Variants in EXOC2 observed in about 807,000 individuals in gnomAD.
EXOC2 encodes the protein SEC5-like 1.
A neutral mutation model predicts 131.8 loss-of-function variants in EXOC2; 70 were observed. That is an observed-to-expected ratio of 0.53 (90% CI 0.44 to 0.65). The LOEUF (loss-of-function observed/expected upper bound fraction) is 0.65, where lower values mean the gene tolerates loss of function less well. Ranked by LOEUF, EXOC2 falls within the 30% of genes least tolerant of loss-of-function variation. The pLI, the probability that EXOC2 is intolerant of heterozygous loss-of-function variation, is 0.00. For missense variants in EXOC2, 923 were observed against 1,108.6 expected, an observed-to-expected ratio of 0.83 and a Z score of 2.38; for synonymous variants, 411 against 398.4, an observed-to-expected ratio of 1.03 and a Z score of -0.38.
chr6:612,638 T>C (rs1760771303), intron 6 of EXOC2, among the ~76,000 whole-genome samples: 1 of 152,162 alleles, frequency 6.6e-6, no homozygotes, highest in Non-Finnish European at 1.5e-5. Flanking sequence ...CAGAAAATGA[T>C]ACCTACCTGA....
chr6:628,061 G>C (rs1449194185), intron 4 of EXOC2, among the ~76,000 whole-genome samples: 2 of 152,282 alleles, frequency 1.3e-5, no homozygotes, highest in East Asian at 3.9e-4. Context: ...ATCCTGTAAG[G>C]ATGAACACTT....
rs368527509 is a variant in EXOC2 at position 499,725 on chromosome 6, A to G, written c.2381-25T>C. 2.7e-5 allele frequency: 43 copies of G among 1,601,258 alleles called. No homozygotes were observed. The African/African-American group carries it at 5.5e-4, about 20-fold the overall frequency. ...CCTGAAATTGAAATAAAGGAGAGAA[A>G]GAAGGCATTAATAATAACACAAGCT... On this transcript the variant is annotated intron_variant, in intron 23 of 27. Coordinates refer to ENST00000230449, the MANE Select transcript of EXOC2 (RefSeq NM_018303.6).
At chr6:511,607 G>A (rs1343049914) in intron 23 of EXOC2, among the ~76,000 whole-genome samples, 1 of 152,172 alleles carries the variant, frequency 6.6e-6, no homozygotes, top group Non-Finnish European at 1.5e-5. Flanking sequence ...AGGGCTGCAC[G>A]GGGGCATCTG....
intron 3 of EXOC2, among the ~76,000 whole-genome samples, chr6:630,573 T>TGGG (rs1169321441): frequency 6.6e-6 from 1 of 152,234 alleles, no homozygotes; most frequent in Non-Finnish European, 1.5e-5. Context: ...CCTAAGGACA[T>TGGG]TTCACTACAA....
intron 27 of EXOC2, among the ~76,000 whole-genome samples, chr6:487,874 C>G (rs1763171087): frequency 6.6e-6 from 1 of 152,156 alleles, no homozygotes; most frequent in Non-Finnish European, 1.5e-5. Flanking sequence ...TAGTCCTGAC[C>G]TGGGGCCATT....
chr6:485,972 G>T lies in EXOC2; in HGVS notation c.*699C>A, dbSNP rs913588856. ...CACAGGGCCTCAGGGACTGCAACAC[G>T]TGCATGTGTAGTGACGCACGACAAA... On this transcript the variant is annotated 3_prime_UTR_variant, in exon 28 of 28. Coordinates refer to ENST00000230449, the MANE Select transcript of EXOC2 (RefSeq NM_018303.6). 1 of 152,196 alleles carries T rather than the reference G, an allele frequency of 6.6e-6. No homozygotes were observed. Among genetic ancestry groups the T allele is most frequent in the Non-Finnish European group, 1.5e-5 (1 of 68,042 alleles). 9.4% of individuals were successfully genotyped at this position (152,196 alleles called of 1,614,324 possible).
chr6:575,320 C>A (rs139573648), intron 12 of EXOC2, among the ~76,000 whole-genome samples: 9 of 152,346 alleles, frequency 5.9e-5, no homozygotes, highest in Admixed American at 2.0e-4. Flanking sequence ...TGTTTTCACA[C>A]TGAAAATCAG....
chr6:587,500 T>C (rs1759278226), intron 11 of EXOC2, among the ~76,000 whole-genome samples: 2 of 152,186 alleles, frequency 1.3e-5, no homozygotes, highest in Non-Finnish European at 2.9e-5. Flanking sequence ...AGCCTCAGCC[T>C]CCCAAAGTGC....
chr6:495,127 CTTTTTT>C (rs11335527), intron 25 of EXOC2, among the ~76,000 whole-genome samples: 1 of 119,622 alleles, frequency 8.4e-6, no homozygotes, highest in Non-Finnish European at 1.8e-5. Flanking sequence ...GGTGAACATT[CTTTTTT>C]TTTTTTTTTT....
chr6:538,589 T>C (rs1157089172), intron 22 of EXOC2, among the ~76,000 whole-genome samples: 2 of 149,422 alleles, frequency 1.3e-5, no homozygotes, highest in Non-Finnish European at 3.0e-5. Context: ...CAGTGGCCTT[T>C]TAGGGCAGGT....
intron 21 of EXOC2, among the ~76,000 whole-genome samples, chr6:552,762 A>G (rs1418906782): frequency 6.6e-6 from 1 of 151,972 alleles, no homozygotes; most frequent in Non-Finnish European, 1.5e-5. Context: ...ACCAAACTAT[A>G]TTTTTTCTAA....
chr6:680,998 C>G (rs911864468), intron 1 of EXOC2, among the ~76,000 whole-genome samples: 1 of 152,138 alleles, frequency 6.6e-6, no homozygotes, highest in Non-Finnish European at 1.5e-5. Context: ...TGTGAAATTC[C>G]TGCCATAAGA....
chr6:559,412 C>T (rs954492431), intron 17 of EXOC2, among the ~76,000 whole-genome samples: 4 of 152,230 alleles, frequency 2.6e-5, no homozygotes, highest in South Asian at 2.1e-4. Context: ...AAGAGGTCCA[C>T]GCGGAATAGC....
intron 27 of EXOC2, among the ~76,000 whole-genome samples, chr6:487,861 A>G (rs1763169292): frequency 6.6e-6 from 1 of 152,212 alleles, no homozygotes; most frequent in Non-Finnish European, 1.5e-5. Context: ...CAAATCTAAA[A>G]TATAGTCCTG....
intron 1 of EXOC2, among the ~76,000 whole-genome samples, chr6:652,682 T>C (rs941600598): frequency 1.3e-5 from 2 of 152,126 alleles, no homozygotes; most frequent in Non-Finnish European, 2.9e-5. Flanking sequence ...CTAAGTAAAG[T>C]ACTGGAATAC....
intron 4 of EXOC2, among the ~76,000 whole-genome samples, chr6:628,205 T>A (rs748960477): frequency 1.3e-5 from 2 of 152,218 alleles, no homozygotes; most frequent in Non-Finnish European, 2.9e-5. Context: ...TTACTCAATG[T>A]CATATTGCTA....
intron 27 of EXOC2, among the ~76,000 whole-genome samples, chr6:487,967 TATC>T (rs1763179050): frequency 6.6e-6 from 1 of 152,224 alleles, no homozygotes; most frequent in Admixed American, 6.5e-5. Context: ...TTCAATCTTT[TATC>T]ATATTTATTT....
intron 5 of EXOC2, 98 bp downstream of exon 5, chr6:619,330 ACT>A: frequency 1.1e-6 from 1 of 888,758 alleles, no homozygotes; most frequent in South Asian, 1.6e-5. Flanking sequence ...AAACCATGTA[ACT>A]GTATGCAGAG....
intron 12 of EXOC2, among the ~76,000 whole-genome samples, chr6:573,342 C>T (rs1183663433): frequency 1.3e-5 from 2 of 152,150 alleles, no homozygotes; most frequent in African/African-American, 2.4e-5. Flanking sequence ...CTCACCATGT[C>T]CTCTGTCTCC....
Sources: allele counts gnomAD v4.1 joint callset (sites outside exome capture counted in the v4.1 genomes callset), GRCh38; gene constraint gnomAD v4.1.1; transcripts MANE v1.5; gene names NCBI Gene and HGNC (gene_info 2026-07-23, HGNC 2026-07-21).